Variants in MYO3B observed in about 807,000 individuals in gnomAD.
MYO3B encodes myosin-IIIb.
Under a neutral mutation model 174.6 loss-of-function variants are expected in MYO3B, and 156 were observed. The observed-to-expected ratio is 0.89, with a 90% CI of 0.78 to 1.02. The LOEUF (loss-of-function observed/expected upper bound fraction) is 1.02, where lower values mean the gene tolerates loss of function less well. Among genes scored for constraint, MYO3B ranks in the 50% least tolerant of loss-of-function variants. The pLI, the probability that MYO3B is intolerant of heterozygous loss-of-function variation, is 0.00. For missense variants in MYO3B, 1,632 were observed against 1,639.4 expected (o/e 1.00, Z 0.08); for synonymous variants, 563 against 569.1 (o/e 0.99, Z 0.15).
chr2:170,529,161 A>G (rs552280489), intron 30 of MYO3B, among the ~76,000 whole-genome samples: 2 of 152,204 alleles, frequency 1.3e-5, no homozygotes, highest in East Asian at 3.9e-4. Context: ...TCTCTCACAC[A>G]TGGACACGAA....
At chr2:170,320,842 GAA>G (rs1186273517) in intron 7 of MYO3B, among the ~76,000 whole-genome samples, 2 of 151,996 alleles carry the variant, frequency 1.3e-5, no homozygotes, top group Non-Finnish European at 2.9e-5. Context: ...ACCTAGGTAT[GAA>G]AAAACAAAAC....
At chr2:170,585,626 A>G (rs1197524929) in intron 32 of MYO3B, among the ~76,000 whole-genome samples, 1 of 152,128 alleles carries the variant, frequency 6.6e-6, no homozygotes, top group Non-Finnish European at 1.5e-5. Flanking sequence ...CATTAGGGGT[A>G]CCGTTTGTGG....
intron 22 of MYO3B, among the ~76,000 whole-genome samples, chr2:170,434,717 C>T (rs1461505875): frequency 1.3e-5 from 2 of 152,202 alleles, no homozygotes; most frequent in Non-Finnish European, 2.9e-5. Flanking sequence ...ATTGAACATA[C>T]TGACATATTC....
chr2:170,473,181 C>CACCT (rs1313784929), intron 25 of MYO3B, among the ~76,000 whole-genome samples: 1 of 115,958 alleles, frequency 8.6e-6, no homozygotes, highest in East Asian at 2.7e-4. Context: ...CTCACTCTGT[C>CACCT]ACCTAGGCTG....
chr2:170,526,033 G>A (rs1170391684), intron 30 of MYO3B, among the ~76,000 whole-genome samples: 1 of 152,204 alleles, frequency 6.6e-6, no homozygotes, highest in Non-Finnish European at 1.5e-5. Flanking sequence ...GGTAGGAATA[G>A]TAGCCTTCTC....
At chr2:170,257,392 G>T (rs1574666750) in intron 7 of MYO3B, among the ~76,000 whole-genome samples, 1 of 151,784 alleles carries the variant, frequency 6.6e-6, no homozygotes, top group South Asian at 2.1e-4. Context: ...CCATACTCTT[G>T]GACCACAGTG....
rs563790461 is a variant in MYO3B, at chr2:170,274,552, A to AC, written c.749+38419dup. 9.2e-5 allele frequency among the ~76,000 whole-genome samples: 14 copies of AC among 152,308 alleles called. No homozygotes were observed. In the South Asian group the frequency reaches 2.9e-3, roughly 32 times the overall value. The stretch of plus-strand genomic sequence containing the variant: ...GTAGGCACTAAAGATGCTGCAGGGC[A>AC]CCCAGAAAATTATTCTGTAGAGTCA... On this transcript the variant is annotated intron_variant, in intron 7 of 34. Coordinates refer to ENST00000408978, the MANE Select transcript of MYO3B (RefSeq NM_138995.5).
chr2:170,636,082 T>G (rs761820670), intron 32 of MYO3B, among the ~76,000 whole-genome samples: 1 of 152,244 alleles, frequency 6.6e-6, no homozygotes, highest in Non-Finnish European at 1.5e-5. Context: ...TAATGCATTA[T>G]TGGATATGAG....
chr2:170,621,213 A>G (rs1003431133), intron 32 of MYO3B, among the ~76,000 whole-genome samples: 4 of 152,126 alleles, frequency 2.6e-5, no homozygotes, highest in African/African-American at 7.2e-5. Context: ...TTTTGAAAAG[A>G]TAGTCCAGGA....
chr2:170,338,554 A>G (rs2105550216), intron 8 of MYO3B, among the ~76,000 whole-genome samples: 1 of 152,252 alleles, frequency 6.6e-6, no homozygotes, highest in African/African-American at 2.4e-5. Flanking sequence ...TATATTATAT[A>G]TCTTTAAATA....
intron 8 of MYO3B, among the ~76,000 whole-genome samples, chr2:170,341,836 A>T (rs1396870019): frequency 6.6e-6 from 1 of 151,942 alleles, no homozygotes; most frequent in Non-Finnish European, 1.5e-5. Context: ...AATTTAGATT[A>T]CCTAATAGAT....
chr2:170,639,240 C>T (rs1229052863), intron 32 of MYO3B, among the ~76,000 whole-genome samples: 4 of 152,202 alleles, frequency 2.6e-5, no homozygotes, highest in Non-Finnish European at 4.4e-5. Context: ...TCATTAGAAG[C>T]TCCAGAAGTG....
chr2:170,282,191 T>C (rs1162287062), intron 7 of MYO3B, among the ~76,000 whole-genome samples: 3 of 152,344 alleles, frequency 2.0e-5, no homozygotes, highest in Non-Finnish European at 2.9e-5. Flanking sequence ...ACCAGTGTCC[T>C]GGAGTGTTTC....
chr2:170,421,486 C>T (rs1014066181), intron 22 of MYO3B, among the ~76,000 whole-genome samples: 1 of 152,218 alleles, frequency 6.6e-6, no homozygotes, highest in Non-Finnish European at 1.5e-5. Flanking sequence ...CACATTACAA[C>T]TTCCCTCTTG....
intron 32 of MYO3B, among the ~76,000 whole-genome samples, chr2:170,557,241 G>T (rs575509415): frequency 6.6e-6 from 1 of 151,416 alleles, no homozygotes; most frequent in Non-Finnish European, 1.5e-5. Context: ...CTGGGTTCAC[G>T]CCATTCTTCT....
At chr2:170,420,081 G>C (rs957128888) in intron 22 of MYO3B, among the ~76,000 whole-genome samples, 1 of 152,064 alleles carries the variant, frequency 6.6e-6, no homozygotes, top group African/African-American at 2.4e-5. Context: ...TACTCGCGAG[G>C]CTGAGGTAGG....
intron 28 of MYO3B, among the ~76,000 whole-genome samples, chr2:170,509,957 C>T (rs910739308): frequency 6.6e-6 from 1 of 152,152 alleles, no homozygotes; most frequent in South Asian, 2.1e-4. Flanking sequence ...AACCTCAACA[C>T]GATGAGCCAT....
At chr2:170,485,386 A>AACACACAC (rs370436580) in intron 25 of MYO3B, among the ~76,000 whole-genome samples, 2,776 of 136,576 alleles carry the variant, frequency 0.02, 103 homozygotes, top group African/African-American at 0.076. Flanking sequence ...ATCCTTTCAG[A>AACACACAC]ACACACACAC....
intron 8 of MYO3B, chr2:170,340,498 A>G (rs1361214806): frequency 6.6e-6 from 1 of 152,234 alleles, no homozygotes; most frequent in Non-Finnish European, 1.5e-5. Context: ...TTCCTATAAC[A>G]AAAGACAGAT....
Sources: allele counts gnomAD v4.1 joint callset (sites outside exome capture counted in the v4.1 genomes callset), GRCh38; gene constraint gnomAD v4.1.1; transcripts MANE v1.5; gene names NCBI Gene and HGNC (gene_info 2026-07-23, HGNC 2026-07-21).